Variants in SUSD3 observed in about 807,000 individuals in gnomAD.
SUSD3 encodes the protein sushi domain-containing protein 3.
SUSD3 carries 18 observed loss-of-function variants against 20.6 expected under a neutral mutation model. The ratio of observed to expected loss-of-function variants is 0.87; its 90% CI spans 0.60 to 1.30. The LOEUF (loss-of-function observed/expected upper bound fraction) is 1.30. Among genes scored for constraint, SUSD3 ranks in the 50% most tolerant of loss-of-function variants. SUSD3 has a pLI of 0.00. For synonymous variants in SUSD3, 137 were observed against 141.5 expected (o/e 0.97, Z 0.23); for missense variants, 306 against 346.9 (o/e 0.88, Z 0.94).
At chr9:93,074,608 A>T (rs995891979) in intron 1 of SUSD3, among the ~76,000 whole-genome samples, 11 of 144,814 alleles carry the variant, frequency 7.6e-5, no homozygotes, top group Non-Finnish European at 1.5e-4. Flanking sequence ...AAATCTTGGC[A>T]GCAGATTCTT....
At chr9:93,076,788 G>A (rs918777614) in intron 2 of SUSD3, among the ~76,000 whole-genome samples, 7 of 152,216 alleles carry the variant, frequency 4.6e-5, no homozygotes, top group Non-Finnish European at 1.0e-4. Context: ...ATCTGTATAG[G>A]CTCCATGGCA....
At chr9:93,075,368 C>T (rs1196505781) in intron 1 of SUSD3, among the ~76,000 whole-genome samples, 1 of 144,200 alleles carries the variant, frequency 6.9e-6, no homozygotes, top group Non-Finnish European at 1.5e-5. Flanking sequence ...CTTTTGCTTT[C>T]TGCTTTGTAT....
intron 1 of SUSD3, among the ~76,000 whole-genome samples, chr9:93,073,972 C>T (rs1005423009): frequency 9.2e-5 from 14 of 152,262 alleles, no homozygotes; most frequent in Non-Finnish European, 1.3e-4. Flanking sequence ...GCTCATCTGT[C>T]GATGGGGATA....
intron 1 of SUSD3, among the ~76,000 whole-genome samples, chr9:93,074,637 T>TTTTC (rs1826053941): frequency 6.8e-6 from 1 of 148,028 alleles, no homozygotes; most frequent in African/African-American, 2.5e-5. Flanking sequence ...TTTTTTTTTT[T>TTTTC]TGAGATGCAG....
intron 4 of SUSD3, among the ~76,000 whole-genome samples, chr9:93,080,353 A>AAATCTAAT (rs1360006510): frequency 6.6e-6 from 1 of 151,610 alleles, no homozygotes; most frequent in African/African-American, 2.4e-5. Context: ...AAACTAACAG[A>AAATCTAAT]AATCTAATAT....
At chr9:93,060,947 A>G (rs1258733753) in intron 1 of SUSD3, among the ~76,000 whole-genome samples, 7 of 152,232 alleles carry the variant, frequency 4.6e-5, no homozygotes, top group Admixed American at 3.3e-4. Flanking sequence ...AGAGCACAGT[A>G]GTGTGGACAG....
chr9:93,066,133 C>T (rs553101944), intron 1 of SUSD3, among the ~76,000 whole-genome samples: 11 of 152,348 alleles, frequency 7.2e-5, no homozygotes, highest in East Asian at 1.9e-4. Flanking sequence ...CTCTGTGTAC[C>T]GCCCCTAGAA....
At chr9:93,061,664 A>G (rs969000969) in intron 1 of SUSD3, among the ~76,000 whole-genome samples, 1 of 152,174 alleles carries the variant, frequency 6.6e-6, no homozygotes, top group Non-Finnish European at 1.5e-5. Context: ...GGACACCCAC[A>G]TGTAGTGTTG....
chr9:93,081,224 C>T (rs1025425876), intron 4 of SUSD3, among the ~76,000 whole-genome samples: 2 of 152,200 alleles, frequency 1.3e-5, no homozygotes, highest in East Asian at 1.9e-4. Flanking sequence ...CCCATCTCTG[C>T]GGTTGGCCAC....
Position 93,077,884 on chromosome 9 carries a change from G to A in SUSD3, c.316G>A (p.Val106Met), listed in dbSNP as rs201896915. 1.3e-4 allele frequency: 217 copies of A among 1,614,102 alleles called. No homozygotes were observed. The highest frequency in any genetic ancestry group is 5.3e-4 in the East Asian group (24 of 44,896). ...CGAGACCTTTGGCTTCAAGGTGGCCGTGATCGCCTCCATTGTGAGCTGTGC... is the reference window on the plus strand; with the variant it reads ...CGAGACCTTTGGCTTCAAGGTGGCCATGATCGCCTCCATTGTGAGCTGTGC... ...PHETFGFKVA[V>M]IASIVSCAII... Residue 106 changes from valine to methionine, a missense_variant, in exon 3 of 5, where the codon GTG becomes ATG. Coordinates refer to ENST00000375472, the MANE Select transcript of SUSD3 (RefSeq NM_145006.4).
At chr9:93,065,487 G>A (rs902011443) in intron 1 of SUSD3, among the ~76,000 whole-genome samples, 1 of 152,210 alleles carries the variant, frequency 6.6e-6, no homozygotes, top group Non-Finnish European at 1.5e-5. Context: ...GGCTGGTGGG[G>A]CCTCCTCTCT....
At chr9:93,064,974 G>A (rs1386767494) in intron 1 of SUSD3, among the ~76,000 whole-genome samples, 3 of 152,310 alleles carry the variant, frequency 2.0e-5, no homozygotes, top group African/African-American at 4.8e-5. Flanking sequence ...CTATGTCCCC[G>A]CGGTGACACA....
rs748123005 is a variant in SUSD3, at chr9:93,075,806, A to AC, written c.116dup (p.Gln40AlafsTer44). 17 of 1,379,314 alleles carry AC rather than the reference A, an allele frequency of 1.2e-5. No individual in the cohort carries two copies. Among genetic ancestry groups the AC allele is most frequent in the African/African-American group, 4.8e-5 (3 of 62,204 alleles). The allele number at this position is 1,379,314 out of a possible 1,614,324, so 85.4% of individuals were successfully genotyped here. On this transcript the variant is annotated frameshift_variant, in exon 2 of 5. Coordinates refer to ENST00000375472, the MANE Select transcript of SUSD3 (RefSeq NM_145006.4). LOFTEE classifies it high-confidence loss of function. ...CAGGCACGTGCGCTAAGCTGCGGCTACCCCCGCAAGCAACCTTCCAAGTCC... is the reference window on the plus strand; with the variant it reads ...CAGGCACGTGCGCTAAGCTGCGGCTACCCCCCGCAAGCAACCTTCCAAGTCC...
Position 93,084,855 on chromosome 9 carries a change from T to C in SUSD3, c.*108T>C, listed in dbSNP as rs1826591288. ...ACTCCACATGCGCCCAGCTCGAGAC[T>C]GATGAGTGGAATCAGCTTCCAGGTG... On this transcript the variant is annotated 3_prime_UTR_variant, in exon 5 of 5. Coordinates refer to ENST00000375472, the MANE Select transcript of SUSD3 (RefSeq NM_145006.4). 1.9e-6 allele frequency: 2 copies of C among 1,042,248 alleles called. No homozygotes were observed. The highest frequency in any genetic ancestry group is 1.3e-6 in the Non-Finnish European group (1 of 760,030). 64.6% of individuals were successfully genotyped at this position (1,042,248 alleles called of 1,614,324 possible).
At chr9:93,067,598 CTTTT>C (rs200176712) in intron 1 of SUSD3, among the ~76,000 whole-genome samples, 1 of 142,788 alleles carries the variant, frequency 7.0e-6, no homozygotes, top group Non-Finnish European at 1.5e-5. Flanking sequence ...TATTGTCTGT[CTTTT>C]TTTTTTTTTT....
chr9:93,083,344 C>T (rs767107796), intron 4 of SUSD3, among the ~76,000 whole-genome samples: 2 of 152,086 alleles, frequency 1.3e-5, no homozygotes, highest in South Asian at 2.1e-4. Context: ...CCCTGAGTCC[C>T]CAGCCCTGGG....
intron 4 of SUSD3, among the ~76,000 whole-genome samples, chr9:93,083,108 G>A (rs887133434): frequency 2.6e-5 from 4 of 152,254 alleles, no homozygotes; most frequent in African/African-American, 7.2e-5. Context: ...ACCCTGACAG[G>A]GCCGTGAGAG....
chr9:93,063,861 C>A (rs1266573338), intron 1 of SUSD3, among the ~76,000 whole-genome samples: 1 of 152,128 alleles, frequency 6.6e-6, no homozygotes, highest in Admixed American at 6.5e-5. Flanking sequence ...GCGTTTAAGG[C>A]CCCCCAGCCC....
At chr9:93,070,748 G>A (rs1466670045) in intron 1 of SUSD3, among the ~76,000 whole-genome samples, 1 of 152,196 alleles carries the variant, frequency 6.6e-6, no homozygotes, top group Non-Finnish European at 1.5e-5. Flanking sequence ...CCCTTGCCTG[G>A]GCCCCCAAAT....
Sources: gnomAD v4.1 joint callset for allele counts (sites outside exome capture counted in the v4.1 genomes callset) on GRCh38, gnomAD v4.1.1 for gene constraint, MANE v1.5 for transcripts, NCBI Gene and HGNC (gene_info 2026-07-23, HGNC 2026-07-21) for gene names.